Variants in NF2 observed in about 807,000 individuals in gnomAD.
NF2 encodes the protein merlin.
In NF2, 8 loss-of-function variants were observed where a neutral mutation model predicts 83.7. That is an observed-to-expected ratio of 0.10 (90% CI 0.06 to 0.17). The LOEUF (loss-of-function observed/expected upper bound fraction) is 0.17, where lower values mean the gene tolerates loss of function less well. NF2 is among the 10% of genes least tolerant of loss of function. The pLI, the probability that NF2 is intolerant of heterozygous loss-of-function variation, is 1.00. For synonymous variants in NF2, 266 were observed against 269.6 expected (o/e 0.99, Z 0.13); for missense variants, 533 against 744.4 (o/e 0.72, Z 3.31).
intron 1 of NF2, 86 bp downstream of exon 1, chr22:29,604,198 C>G (rs2064722909): frequency 8.0e-6 from 9 of 1,131,626 alleles, no homozygotes; most frequent in Admixed American, 5.9e-5. Flanking sequence ...ATGGGTGTAG[C>G]TAGAGACGGG....
Position 29,604,024 on chromosome 22 carries a change from T to C in NF2, c.26T>C (p.Met9Thr), listed in dbSNP as rs1729649719. 1 of 1,597,230 alleles carries C rather than the reference T, an allele frequency of 6.3e-7. No homozygotes were observed. Among genetic ancestry groups the C allele is most frequent in the African/African-American group, 1.3e-5 (1 of 74,724 alleles). ...ATGGCCGGGGCCATCGCTTCCCGCA[T>C]GAGCTTCAGCTCTCTCAAGAGGAAG... MAGAIASR[M>T]SFSSLKRKQP... Residue 9 changes from methionine to threonine, a missense_variant, in exon 1 of 16, where the codon ATG (methionine) becomes ACG (threonine). Transcript: ENST00000338641.
intron 1 of NF2, among the ~76,000 whole-genome samples, chr22:29,605,007 A>G (rs963338331): frequency 2.0e-5 from 3 of 152,136 alleles, no homozygotes; most frequent in East Asian, 1.9e-4. Context: ...TTGAGACAGA[A>G]TCTCACTCTG....
At chr22:29,686,270 T>C (rs1020593667) in intron 15 of NF2, among the ~76,000 whole-genome samples, 17 of 152,258 alleles carry the variant, frequency 1.1e-4, no homozygotes, top group Admixed American at 6.5e-4. Flanking sequence ...CACCGCCACA[T>C]CTAGGTACAC....
Position 29,681,440 on chromosome 22 carries a change from G to A in NF2, c.1576G>A (p.Val526Met). The A allele has an allele frequency of 6.2e-7, 1 of 1,614,012 alleles. No individual in the cohort carries two copies. The highest frequency in any genetic ancestry group is 8.5e-7 in the Non-Finnish European group (1 of 1,179,948). The change falls in exon 15 of 16, where the codon GTG (valine) becomes ATG (methionine). Residue 526 changes from valine (V) to methionine (M), a missense_variant and splice_region_variant. By Grantham distance (21) the Val-to-Met change is conservative (BLOSUM62 1). Around this residue, in one of 3 missense-constraint regions of NF2, gnomAD observed 199 missense variants for 240.7 expected, o/e 0.83. Coordinates refer to ENST00000338641, the MANE Select transcript of NF2 (RefSeq NM_000268.4). The part of the protein sequence containing the change: ...RLSMEIEKEK[V>M]EYMEKSKHLQ... ...TGCATGATACCCTCTTGCCGGCAGA[G>A]TGGAATACATGGAAAAGAGCAAGCA...
chr22:29,625,675 A>G (rs1342377650), intron 1 of NF2, among the ~76,000 whole-genome samples: 3 of 152,220 alleles, frequency 2.0e-5, no homozygotes, highest in African/African-American at 4.8e-5. Context: ...AGTAGTGCTG[A>G]CTTCAGGGAA....
chr22:29,653,260 A>G (rs1159015086), intron 4 of NF2, among the ~76,000 whole-genome samples: 3 of 152,240 alleles, frequency 2.0e-5, no homozygotes, highest in East Asian at 3.9e-4. Context: ...CCTGGCCAAC[A>G]TGGTGAAACC....
intron 1 of NF2, among the ~76,000 whole-genome samples, chr22:29,613,142 A>G (rs2146714273): frequency 6.6e-6 from 1 of 152,256 alleles, no homozygotes; most frequent in South Asian, 2.1e-4. Context: ...ATTCCTATGG[A>G]ATCGCAAGGG....
At position 29,668,413 on chromosome 22, in the gene NF2, A is replaced by T. The variant is rs746175548; in HGVS notation, c.966A>T (p.Lys322Asn). The change falls in exon 10 of 16, where the codon AAA (lysine) becomes AAT (asparagine). Residue 322 changes from lysine to asparagine, a missense_variant. By Grantham distance (94) the Lys-to-Asn change is moderately conservative. Transcript: ENST00000338641. ...ATTCTTTGGAAGTTCAGCAGATGAA[A>T]GCCCAGGCCAGGGAGGAGAAGGCTA... ...KADSLEVQQM[K>N]AQAREEKARK... 6 of 1,613,820 alleles carry T rather than the reference A, an allele frequency of 3.7e-6. No homozygotes were observed. The Admixed American group carries it at 6.7e-5, about 18-fold the overall frequency.
At chr22:29,619,528 C>G (rs1392667575) in intron 1 of NF2, among the ~76,000 whole-genome samples, 3 of 152,028 alleles carry the variant, frequency 2.0e-5, no homozygotes, top group African/African-American at 4.8e-5. Flanking sequence ...TCCTGAGTAG[C>G]TGGAATTACA....
intron 9 of NF2, among the ~76,000 whole-genome samples, chr22:29,667,644 C>T (rs1010637893): frequency 6.6e-6 from 1 of 152,120 alleles, no homozygotes; most frequent in Non-Finnish European, 1.5e-5. Flanking sequence ...CCTTGGCCTC[C>T]GAAAGTGCTG....
intron 4 of NF2, among the ~76,000 whole-genome samples, chr22:29,649,911 A>T (rs1444526103): frequency 1.3e-5 from 2 of 152,168 alleles, no homozygotes; most frequent in Non-Finnish European, 2.9e-5. Context: ...CAAAGGATAA[A>T]TGCTTGAGGG....
intron 1 of NF2, among the ~76,000 whole-genome samples, chr22:29,620,512 G>A (rs952362414): frequency 1.4e-5 from 2 of 142,442 alleles, no homozygotes; most frequent in Admixed American, 1.4e-4. Flanking sequence ...GGCTGAGGCA[G>A]GTGGATCCCT....
intron 7 of NF2, 78 bp from the exon 8 acceptor site, chr22:29,661,127 G>A (rs1443213680): frequency 5.6e-6 from 9 of 1,598,386 alleles, no homozygotes; most frequent in Non-Finnish European, 3.4e-6. Context: ...GACAGTGTGT[G>A]CCAGATTCTT....
At position 29,642,305 on chromosome 22, in the gene NF2, A is replaced by G; in HGVS notation, c.447+20A>G. 5.0e-6 allele frequency: 8 copies of G among 1,609,168 alleles called. No homozygotes were observed. The highest frequency in any genetic ancestry group is 6.8e-6 in the Non-Finnish European group (8 of 1,175,508). On this transcript the variant is annotated intron_variant, in intron 4 of 15. Coordinates refer to ENST00000338641, the MANE Select transcript of NF2 (RefSeq NM_000268.4). The stretch of plus-strand genomic sequence containing the variant: ...GCCAAGGTAGGCTCAAAGAAGAAAA[A>G]TGTATTTTTCCTGGGCGTTAATTTG...
intron 1 of NF2, among the ~76,000 whole-genome samples, chr22:29,619,724 G>A (rs1474525519): frequency 6.6e-6 from 1 of 152,122 alleles, no homozygotes; most frequent in Non-Finnish European, 1.5e-5. Context: ...AGTGCCTATG[G>A]ATGGCATGGG....
intron 1 of NF2, among the ~76,000 whole-genome samples, chr22:29,616,014 C>T (rs191022361): frequency 2.8e-4 from 42 of 152,264 alleles, no homozygotes; most frequent in African/African-American, 7.9e-4. Flanking sequence ...AGTACCAGCA[C>T]GTGCTTCAAC....
intron 9 of NF2, 28 bp downstream of exon 9, chr22:29,665,092 T>G: frequency 6.5e-7 from 1 of 1,534,790 alleles, no homozygotes; most frequent in Non-Finnish European, 9.0e-7. Context: ...TTTTCATTAC[T>G]GATAATGGTA....
chr22:29,628,471 G>A (rs2065425879), intron 1 of NF2, among the ~76,000 whole-genome samples: 1 of 151,988 alleles, frequency 6.6e-6, no homozygotes, highest in Non-Finnish European at 1.5e-5. Flanking sequence ...GTGAAGAGTT[G>A]AAGGCAGTAA....
upstream of NF2, chr22:29,603,614 C>T (rs1291614825): frequency 2.5e-6 from 1 of 398,798 alleles, no homozygotes; most frequent in Non-Finnish European, 4.4e-6. Flanking sequence ...CGCGTACGCG[C>T]CCGATGCAGC....
Sources: gnomAD v4.1 joint callset for allele counts (sites outside exome capture counted in the v4.1 genomes callset) on GRCh38, gnomAD v4.1.1 for gene constraint, gnomAD v4.1.1 regional missense constraint, MANE v1.5 for transcripts, NCBI Gene and HGNC (gene_info 2026-07-23, HGNC 2026-07-21) for gene names.